ARHGAP35: variants seen among roughly 807,000 people sequenced by gnomAD.
The protein encoded by ARHGAP35 is Rho GTPase activating protein 35, also known as rho GTPase-activating protein 35.
Under a neutral mutation model 111.1 loss-of-function variants are expected in ARHGAP35, and 15 were observed. The ratio of observed to expected loss-of-function variants is 0.13; its 90% CI spans 0.09 to 0.21. The LOEUF (loss-of-function observed/expected upper bound fraction) is 0.21. Among genes scored for constraint, ARHGAP35 ranks in the 10% least tolerant of loss-of-function variants. The probability of loss-of-function intolerance (pLI) is 1.00; values close to 1 mark genes in which losing one functional copy is unlikely to be tolerated. For missense variants in ARHGAP35, 1,262 were observed against 1,873.0 expected (o/e 0.67, Z 6.02); for synonymous variants, 643 against 710.3 (o/e 0.91, Z 1.51).
chr19:46,879,279 A>G (rs1323626133), intron 1 of ARHGAP35, among the ~76,000 whole-genome samples: 6 of 151,982 alleles, frequency 3.9e-5, no homozygotes, highest in Admixed American at 3.9e-4. Context: ...ACATGGAGAA[A>G]CCGTGTCTCT....
chr19:46,950,693 C>T (rs940743102), intron 3 of ARHGAP35, among the ~76,000 whole-genome samples: 2 of 152,110 alleles, frequency 1.3e-5, no homozygotes, highest in African/African-American at 4.8e-5. Flanking sequence ...CCAGCTGGAT[C>T]GTTGCCATCT....
chr19:46,890,688 T>C (rs1297951402), intron 1 of ARHGAP35, among the ~76,000 whole-genome samples: 1 of 152,228 alleles, frequency 6.6e-6, no homozygotes, highest in African/African-American at 2.4e-5. Context: ...TGTAACAGAT[T>C]AGGTGTTTGG....
Position 46,922,489 on chromosome 19 carries a change from T to C in ARHGAP35, c.3681+133T>C. 1.1e-6 allele frequency: 1 copy of C among 885,482 alleles called. No homozygotes were observed. Among genetic ancestry groups the C allele is most frequent in the Non-Finnish European group, 1.6e-6 (1 of 612,684 alleles). 54.9% of individuals were successfully genotyped at this position (885,482 alleles called of 1,614,324 possible). A position where few individuals can be genotyped will look rare whatever the true frequency, so the allele number is the denominator to read the frequency against. On this transcript the variant is annotated intron_variant, in intron 2 of 6. Transcript: ENST00000672722. This position sits in a 1 kb window ranked among gnomAD's most constrained non-coding sequence, Gnocchi z 4.0. ...CCCTGTGTGTGTATTTGACTTAACA[T>C]AAAAAAGCAGTGCCTCAATTAGCTA... is the stretch of plus-strand genomic sequence containing the variant.
chr19:46,973,250 C>T (rs1166277793), intron 3 of ARHGAP35, among the ~76,000 whole-genome samples: 3 of 152,164 alleles, frequency 2.0e-5, no homozygotes, highest in Admixed American at 1.3e-4. Flanking sequence ...GTAATTCCAG[C>T]TACTCAGGAG....
Position 46,937,345 on chromosome 19 carries a change from G to A in ARHGAP35, c.3763G>A (p.Val1255Met). ...TTTTGGGGTGCCCTTAACAACTGTCGTGACTCCAGAGAAGCCGATCCCCAT... is the reference window on the plus strand; with the variant it reads ...TTTTGGGGTGCCCTTAACAACTGTCATGACTCCAGAGAAGCCGATCCCCAT... ...NYFGVPLTTVVTPEKPIPIFI... is the reference protein window; with the variant it reads ...NYFGVPLTTVMTPEKPIPIFI... The change falls in exon 3 of 7, where the codon GTG (valine) becomes ATG (methionine). Residue 1255 changes from valine (V) to methionine (M), a missense_variant. Val to Met is a conservative substitution (Grantham distance 21, BLOSUM62 1). This residue lies in a region of ARHGAP35 where 45 missense variants were observed against 118.2 expected (regional missense o/e 0.38). Coordinates refer to ENST00000672722, the MANE Select transcript of ARHGAP35 (RefSeq NM_004491.5). 1 of 1,613,926 alleles carries A rather than the reference G, an allele frequency of 6.2e-7. No homozygotes were observed. The highest frequency in any genetic ancestry group is 8.5e-7 in the Non-Finnish European group (1 of 1,179,874).
chr19:46,868,285 T>C (rs371346537), intron 1 of ARHGAP35, among the ~76,000 whole-genome samples: 23 of 152,200 alleles, frequency 1.5e-4, no homozygotes, highest in African/African-American at 5.3e-4. Context: ...ATTTCAAAAT[T>C]TGTTTATTTT....
At chr19:46,998,373 G>A (rs961119525) in intron 5 of ARHGAP35, among the ~76,000 whole-genome samples, 5 of 152,256 alleles carry the variant, frequency 3.3e-5, no homozygotes, top group African/African-American at 4.8e-5. Context: ...TGGAGTCCAC[G>A]AAGGAAACAT....
chr19:46,989,931 T>C lies in ARHGAP35; in HGVS notation c.4036+256T>C, dbSNP rs2122341476. 6.6e-6 allele frequency among the ~76,000 whole-genome samples: 1 copy of C among 152,266 alleles called. No homozygotes were observed. Among genetic ancestry groups the C allele is most frequent in the South Asian group, 2.1e-4 (1 of 4,818 alleles). On this transcript the variant is annotated intron_variant, in intron 5 of 6. Coordinates refer to ENST00000672722, the MANE Select transcript of ARHGAP35 (RefSeq NM_004491.5). This position sits in a 1 kb window ranked among gnomAD's most constrained non-coding sequence, Gnocchi z 5.3. ...AAACTCTCATTAGTTAAGAGCATGG[T>C]TTCGGTGTCAGACTTGGCTCCTTCG...
rs927240907 is a variant in ARHGAP35, at chr19:46,999,092, G to A, written c.4037-212G>A. On this transcript the variant is annotated intron_variant, in intron 5 of 6. Coordinates refer to ENST00000672722, the MANE Select transcript of ARHGAP35 (RefSeq NM_004491.5). The surrounding 1 kb of genome is among the most constrained non-coding windows in gnomAD (Gnocchi z 5.4). ...CAGGCACACAGTGCCGCCCTTCAGC[G>A]GGGGCCTGGGACACAGAGGTGGGCC... The A allele has an allele frequency of 1.3e-4, 73 of 556,562 alleles. 2 individuals carry two copies. The highest frequency in any genetic ancestry group is 5.5e-4 in the Admixed American group (18 of 32,738). The allele number at this position is 556,562 out of a possible 1,614,324, so 34.5% of individuals were successfully genotyped here. A position where few individuals can be genotyped will look rare whatever the true frequency, so the allele number is the denominator to read the frequency against.
At position 46,921,584 on chromosome 19, in the gene ARHGAP35, C is replaced by G; in HGVS notation, c.2909C>G (p.Ser970Cys). 7 of 1,613,906 alleles carry G rather than the reference C, an allele frequency of 4.3e-6. No individual in the cohort carries two copies. The highest frequency in any genetic ancestry group is 4.5e-5 in the East Asian group (2 of 44,880). Residue 970 changes from serine to cysteine, a missense_variant, in exon 2 of 7, where the codon TCC becomes TGC. Ser to Cys is a moderately radical substitution (Grantham distance 112). This residue lies in a region of ARHGAP35 where 579 missense variants were observed against 716.9 expected (regional missense o/e 0.81). Transcript: ENST00000672722. The surrounding 1 kb of genome is among the most constrained non-coding windows in gnomAD (Gnocchi z 4.3). Reference sequence around the variant, plus strand: ...AGCACCACCGAAGAGGTGTTTAACTCCCCCCGGGCAGGATCACCGCTCTGC... The same window carrying G: ...AGCACCACCGAAGAGGTGTTTAACTGCCCCCGGGCAGGATCACCGCTCTGC... ...ACSTTEEVFNSPRAGSPLCNS... is the reference protein window; with the variant it reads ...ACSTTEEVFNCPRAGSPLCNS...
At chr19:46,927,395 T>C (rs2056244582) in intron 2 of ARHGAP35, among the ~76,000 whole-genome samples, 1 of 152,206 alleles carries the variant, frequency 6.6e-6, no homozygotes, top group African/African-American at 2.4e-5. Flanking sequence ...AACAAGGAAG[T>C]TTAACCTAAA....
chr19:46,874,957 G>A (rs2055909448), intron 1 of ARHGAP35, among the ~76,000 whole-genome samples: 6 of 150,930 alleles, frequency 4.0e-5, no homozygotes, highest in Admixed American at 2.6e-4. Context: ...GATTACAGGC[G>A]CCCACCACCA....
intron 1 of ARHGAP35, among the ~76,000 whole-genome samples, chr19:46,880,111 A>AT (rs1285732976): frequency 6.6e-6 from 1 of 151,894 alleles, no homozygotes; most frequent in Admixed American, 6.6e-5. Context: ...AAATAAATAA[A>AT]TAAATAAATC....
chr19:46,927,171 G>C (rs940610643), intron 2 of ARHGAP35, among the ~76,000 whole-genome samples: 4 of 152,198 alleles, frequency 2.6e-5, no homozygotes, highest in Non-Finnish European at 5.9e-5. Context: ...TTTCCAAGCC[G>C]AAGTTCAGTC....
At chr19:46,862,210 C>A (rs527240109) in intron 1 of ARHGAP35, among the ~76,000 whole-genome samples, 7 of 152,218 alleles carry the variant, frequency 4.6e-5, no homozygotes, top group Non-Finnish European at 7.4e-5. Context: ...GCCTCCTCCC[C>A]CTTCTCTGAC....
In ARHGAP35 at chr19:46,878,571, G is replaced by A. The variant is rs112445018; in HGVS notation, c.-189+17362G>A. Among the ~76,000 whole-genome samples the A allele has an allele frequency of 3.9e-5, 6 of 152,240 alleles. 1 individual carries two copies. Among genetic ancestry groups the A allele is most frequent in the African/African-American group, 9.6e-5 (4 of 41,544 alleles). On this transcript the variant is annotated intron_variant, in intron 1 of 6. Coordinates refer to ENST00000672722, the MANE Select transcript of ARHGAP35 (RefSeq NM_004491.5). Reference sequence around the variant, plus strand: ...TAGCCTCAAGTGATTTGCCCACCTCGGCCTCCGGAAGTGCTGGGTTTATAG... The same window carrying A: ...TAGCCTCAAGTGATTTGCCCACCTCAGCCTCCGGAAGTGCTGGGTTTATAG...
chr19:46,880,786 C>G (rs145875652), intron 1 of ARHGAP35, among the ~76,000 whole-genome samples: 1 of 151,936 alleles, frequency 6.6e-6, no homozygotes, highest in South Asian at 2.1e-4. Flanking sequence ...AGGGATCCTC[C>G]TGCCTCAGCC....
chr19:46,883,645 T>C (rs761233474), intron 1 of ARHGAP35, among the ~76,000 whole-genome samples: 4 of 152,096 alleles, frequency 2.6e-5, no homozygotes, highest in Non-Finnish European at 4.4e-5. Context: ...GAAGTGAGCA[T>C]ATGCTGTTGG....
In ARHGAP35 at chr19:46,922,386, T is replaced by C. The variant is rs570213019; in HGVS notation, c.3681+30T>C. On this transcript the variant is annotated intron_variant, in intron 2 of 6. Transcript: ENST00000672722. This position sits in a 1 kb window ranked among gnomAD's most constrained non-coding sequence, Gnocchi z 4.0. ...GACACCAGTCTAGGATTAGTCATAG[T>C]GTTTTGTACAGCGTCTCGGTGAGGG... The C allele has an allele frequency of 1.3e-6, 2 of 1,518,916 alleles. No homozygotes were observed. The highest frequency in any genetic ancestry group is 1.8e-6 in the Non-Finnish European group (2 of 1,134,372). The allele number at this position is 1,518,916 out of a possible 1,614,324, so 94.1% of individuals were successfully genotyped here.
Sources: allele counts gnomAD v4.1 joint callset (sites outside exome capture counted in the v4.1 genomes callset), GRCh38; gene constraint gnomAD v4.1.1; regional missense constraint gnomAD v4.1.1; non-coding constraint Gnocchi (gnomAD v3.1); transcripts MANE v1.5; gene names NCBI Gene and HGNC (gene_info 2026-07-23, HGNC 2026-07-21).